STK3: variants seen among roughly 807,000 people sequenced by gnomAD.
The protein encoded by STK3 is serine/threonine-protein kinase 3.
STK3 carries 41 observed loss-of-function variants against 58.0 expected under a neutral mutation model. The observed-to-expected ratio is 0.71, with a 90% confidence interval of 0.55 to 0.92. The LOEUF (loss-of-function observed/expected upper bound fraction) is 0.92. STK3 is among the 40% of genes least tolerant of loss of function. STK3 has a pLI of 0.00. For synonymous variants in STK3, 170 were observed against 191.0 expected, an observed-to-expected ratio of 0.89 and a Z score of 0.91; for missense variants, 479 against 602.7, an observed-to-expected ratio of 0.79 and a Z score of 2.15.
chr8:98,662,197 A>G (rs978941544), intron 6 of STK3, among the ~76,000 whole-genome samples: 6 of 152,212 alleles, frequency 3.9e-5, no homozygotes, highest in African/African-American at 1.4e-4. Context: ...GACAAACATC[A>G]AAATTAATAA....
At chr8:98,806,854 A>C (rs1488545250) in intron 1 of STK3, among the ~76,000 whole-genome samples, 1 of 152,126 alleles carries the variant, frequency 6.6e-6, no homozygotes, top group Non-Finnish European at 1.5e-5. Flanking sequence ...AGGTGGGCTG[A>C]ACACGGTAAG....
chr8:98,382,378 T>C (rs1040570812), intron 1 of STK3, among the ~76,000 whole-genome samples: 2 of 152,190 alleles, frequency 1.3e-5, no homozygotes, highest in African/African-American at 4.8e-5. Context: ...ATTATCGCAG[T>C]GTACATAACA....
chr8:98,840,275 A>G (rs1358984130), intron 3 of STK3, among the ~76,000 whole-genome samples: 2 of 145,958 alleles, frequency 1.4e-5, no homozygotes, highest in Non-Finnish European at 3.0e-5. Flanking sequence ...TGAACCCAGT[A>G]GGTGGAGTTT....
chr8:98,597,294 C>T, intron 6 of STK3: 1 of 985,360 alleles, frequency 1.0e-6, no homozygotes, highest in Non-Finnish European at 1.2e-6. Context: ...GCAGCAAAGA[C>T]TCAATATCCA....
intron 6 of STK3, among the ~76,000 whole-genome samples, chr8:98,674,304 T>C (rs1823043203): frequency 6.6e-6 from 1 of 152,106 alleles, no homozygotes; most frequent in Non-Finnish European, 1.5e-5. Context: ...TTCAGTTGTT[T>C]AAACAATATA....
intron 1 of STK3, among the ~76,000 whole-genome samples, chr8:98,786,798 G>T (rs533267465): frequency 3.2e-4 from 48 of 152,240 alleles, no homozygotes; most frequent in African/African-American, 1.1e-3. Context: ...GACAACAACT[G>T]TGAGATAATA....
intron 7 of STK3, among the ~76,000 whole-genome samples, chr8:98,583,353 T>C (rs1257233703): frequency 6.6e-6 from 1 of 152,172 alleles, no homozygotes; most frequent in Non-Finnish European, 1.5e-5. Flanking sequence ...ACAAACTGAA[T>C]CAGAATTTCT....
intron 10 of STK3, among the ~76,000 whole-genome samples, chr8:98,472,421 G>A (rs1820994612): frequency 6.6e-6 from 1 of 152,124 alleles, no homozygotes; most frequent in Non-Finnish European, 1.5e-5. Context: ...TGGTGGAGAG[G>A]GGAGTTTATA....
At chr8:98,759,005 C>A (rs35536167) in intron 3 of STK3, among the ~76,000 whole-genome samples, 36,739 of 152,166 alleles carry the variant, frequency 0.24, 5,397 homozygotes, top group East Asian at 0.44. Flanking sequence ...CTGGTTTGAA[C>A]TTCTATCCAG....
intron 6 of STK3, among the ~76,000 whole-genome samples, chr8:98,605,060 T>C (rs928039893): frequency 1.3e-5 from 2 of 152,212 alleles, no homozygotes; most frequent in African/African-American, 4.8e-5. Flanking sequence ...ATGGATTTCA[T>C]TGTCCATATC....
At chr8:98,608,954 A>T (rs1177941343) in intron 6 of STK3, among the ~76,000 whole-genome samples, 1 of 152,224 alleles carries the variant, frequency 6.6e-6, no homozygotes, top group Non-Finnish European at 1.5e-5. Flanking sequence ...TGATTTGTAT[A>T]TCAGTGAACT....
At chr8:98,914,640 A>G (rs1839277578) in intron 1 of STK3, among the ~76,000 whole-genome samples, 1 of 152,058 alleles carries the variant, frequency 6.6e-6, no homozygotes, top group Non-Finnish European at 1.5e-5. Context: ...TGTCCTCTCA[A>G]CTGTCCTCAT....
chr8:98,486,824 TTAG>T (rs1421868171), intron 10 of STK3, among the ~76,000 whole-genome samples: 1 of 152,198 alleles, frequency 6.6e-6, no homozygotes, highest in Admixed American at 6.5e-5. Flanking sequence ...CAGGTGTCGT[TTAG>T]TAGATTTTTT....
intron 1 of STK3, among the ~76,000 whole-genome samples, chr8:98,887,189 G>A (rs1564083090): frequency 6.6e-6 from 1 of 151,998 alleles, no homozygotes; most frequent in Non-Finnish European, 1.5e-5. Context: ...TCTTTTTTAG[G>A]GAATAATGAC....
chr8:98,617,473 T>A (rs1817851158), intron 6 of STK3, among the ~76,000 whole-genome samples: 1 of 138,314 alleles, frequency 7.2e-6, no homozygotes, highest in African/African-American at 2.7e-5. Flanking sequence ...AGAGCAGAAC[T>A]GAAGGAAATA....
chr8:98,540,363 G>A (rs1312595761), intron 9 of STK3, among the ~76,000 whole-genome samples: 8 of 152,146 alleles, frequency 5.3e-5, no homozygotes, highest in East Asian at 1.9e-4. Flanking sequence ...TCTGAAGAGC[G>A]ACTGTTACAA....
intron 1 of STK3, among the ~76,000 whole-genome samples, chr8:98,446,637 G>A (rs1818959864): frequency 6.6e-6 from 1 of 152,094 alleles, no homozygotes; most frequent in Non-Finnish European, 1.5e-5. Context: ...CGGAGAAAAG[G>A]GAATGCTTAT....
At chr8:98,759,661 C>T (rs1830502204) in intron 3 of STK3, among the ~76,000 whole-genome samples, 1 of 152,012 alleles carries the variant, frequency 6.6e-6, no homozygotes, top group African/African-American at 2.4e-5. Flanking sequence ...AATGCAGCAT[C>T]TGCAAAGTGA....
At chr8:98,410,901 CA>C (rs988325276) in intron 3 of STK3, among the ~76,000 whole-genome samples, 1 of 152,216 alleles carries the variant, frequency 6.6e-6, no homozygotes. Flanking sequence ...AGTTTTGGTA[CA>C]GCTCAAAGTC....
Sources: gnomAD v4.1 joint callset for allele counts (sites outside exome capture counted in the v4.1 genomes callset) on GRCh38, gnomAD v4.1.1 for gene constraint, MANE v1.5 for transcripts, NCBI Gene and HGNC (gene_info 2026-07-23, HGNC 2026-07-21) for gene names.